CCDC27: variants seen among roughly 807,000 people sequenced by gnomAD.
CCDC27 encodes the protein coiled-coil domain-containing protein 27.
A neutral mutation model predicts 80.3 loss-of-function variants in CCDC27; 80 were observed. That is an observed-to-expected ratio of 1.00 (90% CI 0.83 to 1.20). The LOEUF (loss-of-function observed/expected upper bound fraction) is 1.20, where lower values mean the gene tolerates loss of function less well. Among genes scored for constraint, CCDC27 ranks in the 50% most tolerant of loss-of-function variants. The pLI, the probability that CCDC27 is intolerant of heterozygous loss-of-function variation, is 0.00. For synonymous variants in CCDC27, 342 were observed against 334.3 expected, an observed-to-expected ratio of 1.02 and a Z score of -0.25; for missense variants, 815 against 809.4, an observed-to-expected ratio of 1.01 and a Z score of -0.08.
chr1:3,769,950 G>A lies in CCDC27; in HGVS notation c.1848+63G>A, dbSNP rs1643320958. 8.8e-7 allele frequency: 1 copy of A among 1,135,258 alleles called. No individual in the cohort carries two copies. The highest frequency in any genetic ancestry group is 1.2e-5 in the South Asian group (1 of 81,486). The allele number at this position is 1,135,258 out of a possible 1,614,324, so 70.3% of individuals were successfully genotyped here. A position where few individuals can be genotyped will look rare whatever the true frequency, so the allele number is the denominator to read the frequency against. On this transcript the variant is annotated intron_variant, in intron 11 of 11. Transcript: ENST00000294600. The surrounding 1 kb of genome is among the most constrained non-coding windows in gnomAD (Gnocchi z 4.6). Reference sequence around the variant, plus strand: ...AGACCCCCAGGCCAGAGCTGTGGTAGGGGGTTGTGGGGGGCCTAGATTCCA... The same window carrying A: ...AGACCCCCAGGCCAGAGCTGTGGTAAGGGGTTGTGGGGGGCCTAGATTCCA...
At chr1:3,758,213 C>A (rs993255979) in intron 4 of CCDC27, among the ~76,000 whole-genome samples, 5 of 152,096 alleles carry the variant, frequency 3.3e-5, no homozygotes, top group Non-Finnish European at 7.4e-5. Context: ...ATTTTTGAGA[C>A]AGAGTCTCTC....
chr1:3,768,033 G>A lies in CCDC27; in HGVS notation c.1743+588G>A, dbSNP rs1400971391. Among the ~76,000 whole-genome samples the A allele has an allele frequency of 6.6e-6, 1 of 151,810 alleles. No homozygotes were observed. The highest frequency in any genetic ancestry group is 1.5e-5 in the Non-Finnish European group (1 of 67,984). ...CATATGAAACGTGAGCAAGGCCAGA[G>A]TGTGCCCTGCTTGTGAGGGCCCCAT... On this transcript the variant is annotated intron_variant, in intron 10 of 11. Coordinates refer to ENST00000294600, the MANE Select transcript of CCDC27 (RefSeq NM_152492.3). This position sits in a 1 kb window ranked among gnomAD's most constrained non-coding sequence, Gnocchi z 5.6.
intron 1 of CCDC27, among the ~76,000 whole-genome samples, chr1:3,753,088 G>T (rs530538391): frequency 6.6e-6 from 1 of 152,126 alleles, no homozygotes; most frequent in Admixed American, 6.5e-5. Context: ...CTTGGCTCCC[G>T]GTGTCTCTGG....
chr1:3,754,048 T>C, intron 1 of CCDC27, 70 bp from the exon 2 acceptor site: 2 of 1,576,030 alleles, frequency 1.3e-6, no homozygotes, highest in South Asian at 2.4e-5. Flanking sequence ...GGAAACAGGG[T>C]CTGCCCTTGG....
intron 8 of CCDC27, among the ~76,000 whole-genome samples, chr1:3,765,060 CA>C (rs1329428961): frequency 2.7e-5 from 4 of 148,140 alleles, no homozygotes; most frequent in African/African-American, 5.0e-5. Context: ...AAACGATGAA[CA>C]GGGGTAAAGT....
At chr1:3,755,431 C>T (rs778700275) in intron 2 of CCDC27, 26 bp from the exon 3 acceptor site, 4 of 1,588,798 alleles carry the variant, frequency 2.5e-6, no homozygotes, top group Non-Finnish European at 3.5e-6. Flanking sequence ...CAGCAGTCAC[C>T]AGATGGCATC....
rs966634006 is a variant in CCDC27, at chr1:3,771,206, C to T, written c.1849-195C>T. Among the ~76,000 whole-genome samples, 11 of 152,280 alleles carry T rather than the reference C, an allele frequency of 7.2e-5. 1 individual carries two copies. The highest frequency in any genetic ancestry group is 2.6e-4 in the Admixed American group (4 of 15,308). On this transcript the variant is annotated intron_variant, in intron 11 of 11. Coordinates refer to ENST00000294600, the MANE Select transcript of CCDC27 (RefSeq NM_152492.3). ...ACAGAAACTGGCAACGCCACAAAGC[C>T]GAGGGTTGTTTGTTTTTTCTCCCCC...
intron 8 of CCDC27, among the ~76,000 whole-genome samples, chr1:3,765,404 T>C (rs1643204717): frequency 6.6e-6 from 1 of 152,168 alleles, no homozygotes. Flanking sequence ...GAATTTTCTT[T>C]GGTTTTATTG....
intron 3 of CCDC27, 58 bp downstream of exon 3, chr1:3,755,625 G>C: frequency 7.2e-7 from 1 of 1,389,464 alleles, no homozygotes; most frequent in African/African-American, 1.4e-5. Context: ...CTCGAGGCCT[G>C]CTTCTTGCAG....
At chr1:3,758,364 T>C (rs1306116563) in intron 4 of CCDC27, among the ~76,000 whole-genome samples, 1 of 151,832 alleles carries the variant, frequency 6.6e-6, no homozygotes, top group African/African-American at 2.4e-5. Context: ...AATTTTTGTA[T>C]TTTTAGTAGA....
chr1:3,761,576 T>G lies in CCDC27; in HGVS notation c.861+146T>G. 1.9e-5 allele frequency: 18 copies of G among 942,242 alleles called. No homozygotes were observed. Among genetic ancestry groups the G allele is most frequent in the Non-Finnish European group, 2.6e-5 (17 of 648,122 alleles). The allele number at this position is 942,242 out of a possible 1,614,324, so 58.4% of individuals were successfully genotyped here. ...TCCTCACTGGAACGTGGACCGGTTC[T>G]CAGGGTTCTGATCAACAGGCAGGGG... On this transcript the variant is annotated intron_variant, in intron 5 of 11. Coordinates refer to ENST00000294600, the MANE Select transcript of CCDC27 (RefSeq NM_152492.3). The surrounding 1 kb of genome is among the most constrained non-coding windows in gnomAD (Gnocchi z 5.0).
intron 8 of CCDC27, among the ~76,000 whole-genome samples, 177 bp downstream of exon 8, chr1:3,764,013 C>T (rs1643165959): frequency 6.6e-6 from 1 of 152,168 alleles, no homozygotes; most frequent in Non-Finnish European, 1.5e-5. Context: ...GCTAGGATTC[C>T]CCAAGGTGTG....
Position 3,771,482 on chromosome 1 carries a change from G to A in CCDC27, c.1930G>A (p.Ala644Thr). The change falls in exon 12 of 12, where the codon GCC becomes ACC. Residue 644 changes from alanine to threonine, a missense_variant. Ala to Thr is a moderately conservative substitution (Grantham distance 58). Coordinates refer to ENST00000294600, the MANE Select transcript of CCDC27 (RefSeq NM_152492.3). ...AGTGCCCCCCCTGCAACAGTCAGAG[G>A]CCTTCCTGACCAGCAAATCCAAGAA... is the stretch of plus-strand genomic sequence containing the variant. ...VKVPPLQQSE[A>T]FLTSKSKKGT... is the part of the protein sequence containing the mutation. 6.2e-7 allele frequency: 1 copy of A among 1,613,902 alleles called. No homozygotes were observed. The highest frequency in any genetic ancestry group is 8.5e-7 in the Non-Finnish European group (1 of 1,179,948).
In CCDC27 at chr1:3,763,014, C is replaced by T. The variant is rs112682291; in HGVS notation, c.955-94C>T. The T allele has an allele frequency of 2.7e-3, 3,721 of 1,382,946 alleles. 8 individuals are homozygous for T. Among genetic ancestry groups the T allele is most frequent in the Admixed American group, 3.3e-3 (110 of 33,500 alleles). The allele number at this position is 1,382,946 out of a possible 1,614,324, so 85.7% of individuals were successfully genotyped here. On this transcript the variant is annotated intron_variant, in intron 6 of 11. Coordinates refer to ENST00000294600, the MANE Select transcript of CCDC27 (RefSeq NM_152492.3). This position sits in a 1 kb window ranked among gnomAD's most constrained non-coding sequence, Gnocchi z 7.5. Reference sequence around the variant, plus strand: ...GACCCTGCAGCAGCCTGGAAGGAGGCGCCCTCCCCGGTGCCCCCGCCATGA... The same window carrying T: ...GACCCTGCAGCAGCCTGGAAGGAGGTGCCCTCCCCGGTGCCCCCGCCATGA...
chr1:3,757,937 AAG>A (rs1404995971), intron 4 of CCDC27, among the ~76,000 whole-genome samples: 17 of 146,476 alleles, frequency 1.2e-4, no homozygotes, highest in African/African-American at 4.3e-4. Context: ...AAAAAAAAAA[AAG>A]AAATGGGGTT....
At chr1:3,767,166 TG>T in intron 9 of CCDC27, 66 bp from the exon 10 acceptor site, 1 of 1,448,006 alleles carries the variant, frequency 6.9e-7, no homozygotes, top group Non-Finnish European at 9.6e-7. Context: ...AAAAAGTGGA[TG>T]GGTGCCACAC....
In CCDC27 at chr1:3,756,870, C is replaced by T. The variant is rs1246831383; in HGVS notation, c.691C>T (p.Leu231Phe). ...CCTGAGAAAGAGGATGCCCTGGTAC[C>T]TCTCAGTCATCCACGAGAAGGTACT... ...SCLRKRMPWY[L>F]SVIHEKDHCL... The change falls in exon 4 of 12, where the codon CTC becomes TTC. Residue 231 changes from leucine to phenylalanine, a missense_variant. Transcript: ENST00000294600. 2 of 1,613,198 alleles carry T rather than the reference C, an allele frequency of 1.2e-6. No individual in the cohort carries two copies. The highest frequency in any genetic ancestry group is 1.7e-6 in the Non-Finnish European group (2 of 1,179,786).
In CCDC27 at chr1:3,768,088, C is replaced by CTTTTT. The variant is rs775378587; in HGVS notation, c.1743+661_1743+665dup. ...AAAAGGAAATCAATAAAGAGCTGAC[C>CTTTTT]TTTTTTTTTTTTTTTTTTTTTTCTG... On this transcript the variant is annotated intron_variant, in intron 10 of 11. Coordinates refer to ENST00000294600, the MANE Select transcript of CCDC27 (RefSeq NM_152492.3). The surrounding 1 kb of genome is among the most constrained non-coding windows in gnomAD (Gnocchi z 5.6). Among the ~76,000 whole-genome samples, 4 of 120,330 alleles carry CTTTTT rather than the reference C, an allele frequency of 3.3e-5. No homozygotes were observed. The highest frequency in any genetic ancestry group is 6.9e-5 in the Non-Finnish European group (4 of 57,674). 78.9% of individuals were successfully genotyped at this position (120,330 alleles called of 152,430 possible). A position where few individuals can be genotyped will look rare whatever the true frequency, so the allele number is the denominator to read the frequency against.
intron 11 of CCDC27, among the ~76,000 whole-genome samples, chr1:3,770,886 A>G (rs1199902550): frequency 6.6e-6 from 1 of 152,198 alleles, no homozygotes; most frequent in African/African-American, 2.4e-5. Flanking sequence ...TAGCCAGGGA[A>G]GAGCACCTTT....
Sources: allele counts gnomAD v4.1 joint callset (sites outside exome capture counted in the v4.1 genomes callset), GRCh38; gene constraint gnomAD v4.1.1; non-coding constraint Gnocchi (gnomAD v3.1); transcripts MANE v1.5; gene names NCBI Gene and HGNC (gene_info 2026-07-23, HGNC 2026-07-21).